Variants in DMKN observed in about 807,000 individuals in gnomAD.
DMKN encodes the protein epidermis-specific secreted protein SK30/SK89.
DMKN carries 58 observed loss-of-function variants against 67.6 expected under a neutral mutation model. That is an observed-to-expected ratio of 0.86 (90% CI 0.69 to 1.07). The LOEUF is 1.07. Among genes scored for constraint, DMKN ranks in the 50% least tolerant of loss-of-function variants. The pLI, the probability that DMKN is intolerant of heterozygous loss-of-function variation, is 0.00. For synonymous variants in DMKN, 240 were observed against 232.3 expected (o/e 1.03, Z -0.30); for missense variants, 596 against 601.5 (o/e 0.99, Z 0.10).
In DMKN at chr19:35,500,541, C is replaced by T. The variant is rs1401900928; in HGVS notation, c.1279G>A (p.Asp427Asn). The change falls in exon 12 of 16, where the codon GAC becomes AAC. Residue 427 changes from aspartate (D) to asparagine (N), a missense_variant. Transcript: ENST00000339686. ...TGAGGACAGAGACTCACCTGATCGT[C>T]TCTGCCTGCACGTTTCTGCAGTGAT... ...ASSLQKRAGR[D>N]DQNYNYNQHA... 3.1e-6 allele frequency: 5 copies of T among 1,612,318 alleles called. No individual in the cohort carries two copies. In the African/African-American group the frequency reaches 5.3e-5, roughly 17 times the overall value.
intron 9 of DMKN, among the ~76,000 whole-genome samples, chr19:35,504,098 G>A (rs2068963501): frequency 6.6e-6 from 1 of 152,138 alleles, no homozygotes; most frequent in African/African-American, 2.4e-5. Context: ...CCCTTGAGGA[G>A]CTGGCCCAGA....
At chr19:35,508,177 T>G in intron 7 of DMKN, 1 of 1,551,958 alleles carries the variant, frequency 6.4e-7, no homozygotes, top group Non-Finnish European at 8.7e-7. Flanking sequence ...CGGCACAGTC[T>G]CTGACCCCAC....
rs751840628 is a variant in DMKN, at chr19:35,506,042, C to T, written c.1039-56G>A. ...AAGAACCCACTTTGTGAGCCAGAGT[C>T]GGGAGATCTGAGTGGCAGGAGGGGA... is the stretch of plus-strand genomic sequence containing the variant. On this transcript the variant is annotated intron_variant, in intron 7 of 15. Transcript: ENST00000339686. 13 of 1,613,370 alleles carry T rather than the reference C, an allele frequency of 8.1e-6. No individual in the cohort carries two copies. In the African/African-American group the frequency reaches 1.2e-4, roughly 15 times the overall value.
intron 4 of DMKN, 62 bp downstream of exon 4, chr19:35,511,701 G>C: frequency 1.3e-6 from 2 of 1,596,354 alleles, no homozygotes; most frequent in African/African-American, 2.7e-5. Flanking sequence ...CCAGTCTAAG[G>C]GGAGCAGAAC....
Position 35,500,540 on chromosome 19 carries a change from T to G in DMKN, c.1280A>C (p.Asp427Ala), listed in dbSNP as rs909072. The change falls in exon 12 of 16, where the codon GAC becomes GCC. Residue 427 changes from aspartate (D) to alanine (A), a missense_variant. By Grantham distance (126) the Asp-to-Ala change is moderately radical. Transcript: ENST00000339686. ...TTGAGGACAGAGACTCACCTGATCG[T>G]CTCTGCCTGCACGTTTCTGCAGTGA... Reference protein sequence around the residue: ...ASSLQKRAGRDDQNYNYNQHA... With the variant: ...ASSLQKRAGRADQNYNYNQHA... The G allele has an allele frequency of 0.99, 1,599,540 of 1,612,376 alleles. 793,406 individuals carry two copies. The highest frequency in any genetic ancestry group is 1 in the East Asian group (44,852 of 44,852).
chr19:35,501,123 C>G (rs977800761), intron 11 of DMKN, among the ~76,000 whole-genome samples: 2 of 152,172 alleles, frequency 1.3e-5, no homozygotes, highest in African/African-American at 2.4e-5. Flanking sequence ...ACACCCCCCC[C>G]AGCCCCAGCG....
intron 7 of DMKN, 44 bp from the exon 8 acceptor site, chr19:35,506,030 G>C: frequency 6.2e-7 from 1 of 1,613,964 alleles, no homozygotes; most frequent in Non-Finnish European, 8.5e-7. Flanking sequence ...AACCCACTTT[G>C]TGAGCCAGAG....
At chr19:35,510,150 C>T (rs777654128) in intron 6 of DMKN, 34 bp downstream of exon 6, 22 of 1,586,386 alleles carry the variant, frequency 1.4e-5, no homozygotes, top group Non-Finnish European at 1.8e-5. Context: ...TTTTCCTTCC[C>T]GCGGTTGGTG....
rs759068257 is a variant in DMKN, at chr19:35,509,923, T to G, written c.1026A>C (p.Glu342Asp). Residue 342 changes from glutamate to aspartate, a missense_variant, in exon 7 of 16, where the codon GAA (glutamate) becomes GAC (aspartate). By Grantham distance (45) the Glu-to-Asp change is conservative. Transcript: ENST00000339686. The stretch of plus-strand genomic sequence containing the variant: ...CTTTGGCTCTCACCTGAATCCCAGA[T>G]TCCCCGCTCCCGCGGGCTTCATTCC... The part of the protein sequence containing the change: ...KPGNEARGSG[E>D]SGIQNSETSP... The G allele has an allele frequency of 1.9e-6, 3 of 1,614,186 alleles. No homozygotes were observed. In the South Asian group the frequency reaches 3.3e-5, roughly 18 times the overall value.
chr19:35,499,010 C>T, intron 13 of DMKN, 113 bp from the exon 14 acceptor site: 1 of 1,500,580 alleles, frequency 6.7e-7, no homozygotes, highest in Non-Finnish European at 9.2e-7. Context: ...CCAGGGCTAT[C>T]ACCAAGGTTT....
chr19:35,501,641 G>A (rs1296264958), intron 11 of DMKN, among the ~76,000 whole-genome samples: 1 of 152,148 alleles, frequency 6.6e-6, no homozygotes, highest in East Asian at 1.9e-4. Flanking sequence ...CCGCCCAGAG[G>A]TTCTCCCCAT....
At position 35,512,759 on chromosome 19, in the gene DMKN, G is replaced by A; in HGVS notation, c.458C>T (p.Ser153Phe). 6.2e-7 allele frequency: 1 copy of A among 1,613,974 alleles called. No homozygotes were observed. Among genetic ancestry groups the A allele is most frequent in the South Asian group, 1.1e-5 (1 of 91,088 alleles). The stretch of plus-strand genomic sequence containing the variant: ...GCCCTGGCCTCCAAGGCCACCTTGA[G>A]AGCCAAAGATGCCATGGCCTCCAGA... ...ETSGGHGIFG[S>F]QGGLGGQGQG... The change falls in exon 2 of 16, where the codon TCT becomes TTT. Residue 153 changes from serine (S) to phenylalanine (F), a missense_variant. By Grantham distance (155) the Ser-to-Phe change is radical. Transcript: ENST00000339686.
chr19:35,500,650 C>T lies in DMKN; in HGVS notation c.1240-70G>A. On this transcript the variant is annotated intron_variant, in intron 11 of 15. Coordinates refer to ENST00000339686, the MANE Select transcript of DMKN (RefSeq NM_033317.5). The stretch of plus-strand genomic sequence containing the variant: ...GGGCATTGCCGGGCTTTCAGAGCCC[C>T]AGTTTCTCCCTCACCCCACCCCTTT... 3 of 1,519,164 alleles carry T rather than the reference C, an allele frequency of 2.0e-6. No homozygotes were observed. The South Asian group carries it at 3.7e-5, about 19-fold the overall frequency. The allele number at this position is 1,519,164 out of a possible 1,614,324, so 94.1% of individuals were successfully genotyped here.
intron 9 of DMKN, chr19:35,503,255 A>G: frequency 2.1e-6 from 3 of 1,462,726 alleles, no homozygotes; most frequent in Non-Finnish European, 2.7e-6. Flanking sequence ...CCCCTTCCAC[A>G]CCACCCTGGA....
intron 3 of DMKN, 130 bp from the exon 4 acceptor site, chr19:35,511,943 C>T: frequency 2.0e-6 from 2 of 1,018,688 alleles, no homozygotes; most frequent in South Asian, 3.8e-5. Context: ...GTTTCTCCCA[C>T]CTCCCCTTCC....
chr19:35,513,590 T>A lies in DMKN; in HGVS notation c.-115A>T. 1 of 1,335,978 alleles carries A rather than the reference T, an allele frequency of 7.5e-7. No homozygotes were observed. The highest frequency in any genetic ancestry group is 1.0e-6 in the Non-Finnish European group (1 of 1,004,634). 82.8% of individuals were successfully genotyped at this position (1,335,978 alleles called of 1,614,324 possible). On this transcript the variant is annotated 5_prime_UTR_variant, in exon 1 of 16. Transcript: ENST00000339686. ...CTGTCCTCCTCCTTCCGACTCCCTG[T>A]CCTCCCTCCCTCTGGGTCTGCAGCC... is the stretch of plus-strand genomic sequence containing the variant.
chr19:35,505,392 G>A (rs950025152), intron 9 of DMKN, among the ~76,000 whole-genome samples: 1 of 152,036 alleles, frequency 6.6e-6, no homozygotes, highest in Non-Finnish European at 1.5e-5. Flanking sequence ...CATTCCATGT[G>A]CCCTCTAGGA....
chr19:35,503,259 C>A, intron 9 of DMKN: 1 of 1,471,938 alleles, frequency 6.8e-7, no homozygotes, highest in Non-Finnish European at 9.0e-7. Flanking sequence ...TTCCACACCA[C>A]CCTGGATAAC....
At position 35,513,348 on chromosome 19, in the gene DMKN, AG is replaced by A; in HGVS notation, c.127del (p.Leu43TrpfsTer5). ...CACCCCTTCGCTCAGGGCGTCTCCC[AG>A]GCCATGTCCAAGGGCCTCCCCAATA... ...TNIGEALGHG[L>X]GDALSEGVGK... is the part of the protein sequence containing the mutation. On this transcript the variant is annotated frameshift_variant, in exon 1 of 16. Transcript: ENST00000339686. LOFTEE classifies it high-confidence loss of function. 1 of 1,613,870 alleles carries A rather than the reference AG, an allele frequency of 6.2e-7. No homozygotes were observed. Among genetic ancestry groups the A allele is most frequent in the East Asian group, 2.2e-5 (1 of 44,870 alleles).
Sources: allele counts gnomAD v4.1 joint callset (sites outside exome capture counted in the v4.1 genomes callset), GRCh38; gene constraint gnomAD v4.1.1; transcripts MANE v1.5; gene names NCBI Gene and HGNC (gene_info 2026-07-23, HGNC 2026-07-21).